CPS1: variants seen among roughly 807,000 people sequenced by gnomAD.
CPS1 encodes carbamoyl-phosphate synthase 1, also known as carbamoyl-phosphate synthase [ammonia], mitochondrial.
In CPS1, 109 loss-of-function variants were observed where a neutral mutation model predicts 174.6. The observed-to-expected ratio is 0.62, with a 90% CI of 0.53 to 0.73. The LOEUF is 0.73. Among genes scored for constraint, CPS1 ranks in the 30% least tolerant of loss-of-function variants. The probability of loss-of-function intolerance (pLI) is 0.00; values close to 1 mark genes in which losing one functional copy is unlikely to be tolerated. For missense variants in CPS1, 1,689 were observed against 1,821.9 expected (o/e 0.93, Z 1.33); for synonymous variants, 637 against 632.0 (o/e 1.01, Z -0.12).
rs1278196067 is a variant in CPS1 at position 210,608,464 on chromosome 2, C to T, written c.2296C>T (p.Leu766=). Residue 766 remains leucine, a synonymous_variant, in exon 19 of 38, where the codon CTG becomes TTG. Transcript: ENST00000233072. ...GKTSACFEPS[L]DYMVTKIPRW... is the part of the protein sequence containing the mutation. ...GACATCAGCCTGTTTTGAACCTAGCCTGGATTACATGGTCACCAAGATTCC... is the reference window on the plus strand; with the variant it reads ...GACATCAGCCTGTTTTGAACCTAGCTTGGATTACATGGTCACCAAGATTCC... 3.1e-6 allele frequency: 5 copies of T among 1,612,372 alleles called. No individual in the cohort carries two copies. The Admixed American group carries it at 6.7e-5, about 22-fold the overall frequency.
intron 1 of CPS1, among the ~76,000 whole-genome samples, chr2:210,537,553 A>G (rs1366003622): frequency 6.6e-6 from 1 of 152,234 alleles, no homozygotes; most frequent in East Asian, 1.9e-4. Context: ...TTACAGGTGT[A>G]CTGTTCAAGT....
chr2:210,634,996 T>C (rs886621750), intron 21 of CPS1, among the ~76,000 whole-genome samples: 2 of 152,156 alleles, frequency 1.3e-5, no homozygotes, highest in African/African-American at 4.8e-5. Context: ...TGAGCTGGAG[T>C]GCAGTGGCGT....
intron 1 of CPS1, among the ~76,000 whole-genome samples, chr2:210,505,982 G>T (rs1393211312): frequency 1.3e-5 from 2 of 152,186 alleles, no homozygotes; most frequent in African/African-American, 4.8e-5. Flanking sequence ...CAAACAAAAG[G>T]CAGCAGAAAC....
At chr2:210,566,283 G>T (rs10180357) in intron 1 of CPS1, among the ~76,000 whole-genome samples, 55,078 of 151,952 alleles carry the variant, frequency 0.36, 11,228 homozygotes, top group Middle Eastern at 0.54. Context: ...AGGGAGGGGG[G>T]ACTGAGAGGT....
intron 1 of CPS1, among the ~76,000 whole-genome samples, chr2:210,517,908 G>A (rs1042179703): frequency 2.6e-5 from 4 of 151,826 alleles, no homozygotes; most frequent in South Asian, 4.1e-4. Context: ...GTTAGCCACC[G>A]TTTCTAATTT....
chr2:210,514,785 C>CT (rs59164194), intron 1 of CPS1, among the ~76,000 whole-genome samples: 57,219 of 140,736 alleles, frequency 0.41, 12,798 homozygotes, highest in Non-Finnish European at 0.52. Context: ...GGGAATGCTT[C>CT]TTTTTTTTTT....
intron 1 of CPS1, among the ~76,000 whole-genome samples, chr2:210,529,485 C>T (rs757879245): frequency 4.6e-5 from 7 of 151,978 alleles, no homozygotes; most frequent in Non-Finnish European, 5.9e-5. Context: ...CATTTACCTT[C>T]TCTTGGTTGT....
intron 1 of CPS1, among the ~76,000 whole-genome samples, chr2:210,558,708 T>C (rs746862732): frequency 3.9e-5 from 6 of 151,916 alleles, no homozygotes; most frequent in Admixed American, 1.3e-4. Context: ...GAAATTAGAA[T>C]CCAATTCTCC....
chr2:210,601,304 T>G (rs557679514), intron 15 of CPS1, among the ~76,000 whole-genome samples: 34 of 152,096 alleles, frequency 2.2e-4, no homozygotes, highest in African/African-American at 8.2e-4. Context: ...CCTGACTTTA[T>G]TTTTGACTTC....
In CPS1 at chr2:210,556,601, A is replaced by T; in HGVS notation, c.-133A>T. Reference sequence around the variant, plus strand: ...AATGGCAGAATGAATGGAAATTCAAAGATCGCTGTGCAGTCAGCCTTAAAC... The same window carrying T: ...AATGGCAGAATGAATGGAAATTCAATGATCGCTGTGCAGTCAGCCTTAAAC... On this transcript the variant is annotated 5_prime_UTR_variant, in exon 1 of 38. It adds an upstream start codon to the 5' untranslated region. Coordinates refer to ENST00000233072, the MANE Select transcript of CPS1 (RefSeq NM_001875.5). 6.7e-7 allele frequency: 1 copy of T among 1,497,782 alleles called. No individual in the cohort carries two copies. Among genetic ancestry groups the T allele is most frequent in the Non-Finnish European group, 8.9e-7 (1 of 1,124,710 alleles). The allele number at this position is 1,497,782 out of a possible 1,614,324, so 92.8% of individuals were successfully genotyped here.
intron 24 of CPS1, among the ~76,000 whole-genome samples, chr2:210,641,326 G>A (rs1700217781): frequency 6.6e-6 from 1 of 151,950 alleles, no homozygotes; most frequent in Admixed American, 6.6e-5. Context: ...GAATTTTTCT[G>A]TGTTGGCCAG....
At chr2:210,517,122 G>T (rs1695703810) in intron 1 of CPS1, among the ~76,000 whole-genome samples, 2 of 151,738 alleles carry the variant, frequency 1.3e-5, no homozygotes, top group South Asian at 4.2e-4. Context: ...TTTCATAAAG[G>T]ACCTTATAAT....
intron 1 of CPS1, among the ~76,000 whole-genome samples, chr2:210,505,948 T>G (rs563252808): frequency 3.7e-5 from 2 of 54,316 alleles, no homozygotes; most frequent in South Asian, 9.7e-4. Context: ...CTCTGTAGAC[T>G]CCACCTCTGG....
chr2:210,535,325 C>T (rs972820489), intron 1 of CPS1, among the ~76,000 whole-genome samples: 1 of 152,160 alleles, frequency 6.6e-6, no homozygotes, highest in Non-Finnish European at 1.5e-5. Context: ...CTACCCCTGT[C>T]AGAATGATTC....
chr2:210,647,447 T>C (rs1457888377), intron 25 of CPS1, among the ~76,000 whole-genome samples: 1 of 152,090 alleles, frequency 6.6e-6, no homozygotes, highest in African/African-American at 2.4e-5. Flanking sequence ...TGAAGCAGAC[T>C]TGCTTAATCT....
At chr2:210,651,933 G>A (rs1700572239) in intron 28 of CPS1, among the ~76,000 whole-genome samples, 1 of 152,174 alleles carries the variant, frequency 6.6e-6, no homozygotes, top group South Asian at 2.1e-4. Flanking sequence ...ACTTCTTTTT[G>A]CTAGGCTCAA....
intron 24 of CPS1, among the ~76,000 whole-genome samples, chr2:210,641,457 G>A (rs944964198): frequency 1.2e-4 from 19 of 152,058 alleles, no homozygotes; most frequent in African/African-American, 4.3e-4. Context: ...ATCTATTCAT[G>A]AGGGATCTGC....
intron 1 of CPS1, among the ~76,000 whole-genome samples, chr2:210,478,944 T>TCCCG (rs1367056890): frequency 2.7e-5 from 1 of 36,710 alleles, no homozygotes; most frequent in Non-Finnish European, 5.4e-5. Context: ...CTCCCTTCCC[T>TCCCG]CCCTCCCTCC....
chr2:210,580,860 A>T, intron 5 of CPS1, among the ~76,000 whole-genome samples: 1 of 140,612 alleles, frequency 7.1e-6, no homozygotes, highest in Admixed American at 7.0e-5. Flanking sequence ...CCCTGTCTCA[A>T]AAAAAAAAAA....
Sources: gnomAD v4.1 joint callset for allele counts (sites outside exome capture counted in the v4.1 genomes callset) on GRCh38, gnomAD v4.1.1 for gene constraint, MANE v1.5 for transcripts, NCBI Gene and HGNC (gene_info 2026-07-23, HGNC 2026-07-21) for gene names.